The following TRPM3 variants were observed in gnomAD, a reference collection of about 807,000 sequenced individuals.
TRPM3 encodes the protein long transient receptor potential channel 3.
A neutral mutation model predicts 181.2 loss-of-function variants in TRPM3; 77 were observed. The observed-to-expected ratio is 0.42, with a 90% CI of 0.35 to 0.51. The LOEUF is 0.51. Among genes scored for constraint, TRPM3 ranks in the 20% least tolerant of loss-of-function variants. The pLI, the probability that TRPM3 is intolerant of heterozygous loss-of-function variation, is 0.01. For missense variants in TRPM3, 1,759 were observed against 2,196.7 expected (o/e 0.80, Z 3.98); for synonymous variants, 745 against 796.4 (o/e 0.94, Z 1.09).
chr9:70,999,414 C>T (rs779674588), intron 1 of TRPM3, among the ~76,000 whole-genome samples: 15 of 152,044 alleles, frequency 9.9e-5, no homozygotes, highest in African/African-American at 2.4e-4. Context: ...TGGGCCTGAA[C>T]GTGATCTGAA....
intron 1 of TRPM3, among the ~76,000 whole-genome samples, chr9:71,178,224 C>A (rs1168986103): frequency 6.6e-6 from 1 of 152,060 alleles, no homozygotes; most frequent in African/African-American, 2.4e-5. Context: ...ATGTCATAGT[C>A]TTTCACAACT....
At chr9:70,828,222 A>G (rs1466120766) in intron 5 of TRPM3, among the ~76,000 whole-genome samples, 1 of 152,244 alleles carries the variant, frequency 6.6e-6, no homozygotes, top group Non-Finnish European at 1.5e-5. Flanking sequence ...CTGTGCTTAA[A>G]TGAGTATTTA....
At chr9:71,198,004 GGTCTAAC>G (rs1292686315) in intron 1 of TRPM3, among the ~76,000 whole-genome samples, 1 of 151,086 alleles carries the variant, frequency 6.6e-6, no homozygotes, top group Non-Finnish European at 1.5e-5. Context: ...TATGGTTTTA[GGTCTAAC>G]GTCTAAGTCT....
At chr9:70,828,742 C>T (rs202136279) in intron 5 of TRPM3, among the ~76,000 whole-genome samples, 2 of 144,150 alleles carry the variant, frequency 1.4e-5, no homozygotes, top group African/African-American at 2.5e-5. Context: ...ATACCTATTG[C>T]GAGCTAGTTG....
rs2094259171 is a variant in TRPM3, at chr9:70,835,552, C to T, written c.801+7451G>A. 2.0e-5 allele frequency among the ~76,000 whole-genome samples: 3 copies of T among 151,942 alleles called. No homozygotes were observed. In the South Asian group the frequency reaches 6.3e-4, roughly 32 times the overall value. Reference sequence around the variant, plus strand: ...GTTCCATTGGGGTGACTAACATCCTCCACTCACTCTCCTCACACCTTTGAC... The same window carrying T: ...GTTCCATTGGGGTGACTAACATCCTTCACTCACTCTCCTCACACCTTTGAC... On this transcript the variant is annotated intron_variant, in intron 5 of 25. Coordinates refer to ENST00000677713, the MANE Select transcript of TRPM3 (RefSeq NM_001366145.2).
chr9:71,134,276 A>T (rs2074613148), intron 1 of TRPM3, among the ~76,000 whole-genome samples: 1 of 152,048 alleles, frequency 6.6e-6, no homozygotes, highest in African/African-American at 2.4e-5. Context: ...TTCTTAAAAG[A>T]TTTTTCAGCC....
chr9:71,030,092 T>C (rs1374747880), intron 1 of TRPM3, among the ~76,000 whole-genome samples: 1 of 152,232 alleles, frequency 6.6e-6, no homozygotes, highest in Non-Finnish European at 1.5e-5. Context: ...CAAATATTAA[T>C]ATATATTCAT....
At chr9:71,238,626 A>G (rs2131952361) in intron 1 of TRPM3, among the ~76,000 whole-genome samples, 1 of 152,310 alleles carries the variant, frequency 6.6e-6, no homozygotes, top group Non-Finnish European at 1.5e-5. Context: ...ATGCATCTTT[A>G]TCCTTCAAAG....
intron 8 of TRPM3, among the ~76,000 whole-genome samples, chr9:70,688,747 C>A (rs1217595678): frequency 6.6e-6 from 1 of 152,136 alleles, no homozygotes; most frequent in Non-Finnish European, 1.5e-5. Flanking sequence ...GCTTGGTGAA[C>A]AAACTAGAAG....
At chr9:71,323,693 T>C (rs2089440865) in intron 1 of TRPM3, among the ~76,000 whole-genome samples, 1 of 152,012 alleles carries the variant, frequency 6.6e-6, no homozygotes, top group Admixed American at 6.6e-5. Flanking sequence ...GACCAAGAAA[T>C]GACTTTGCAA....
intron 1 of TRPM3, among the ~76,000 whole-genome samples, chr9:71,214,438 T>C (rs1053694236): frequency 6.6e-6 from 1 of 152,174 alleles, no homozygotes; most frequent in Admixed American, 6.6e-5. Context: ...ACACAAAGAC[T>C]TGCATTCAAA....
intron 9 of TRPM3, among the ~76,000 whole-genome samples, chr9:70,644,911 A>T (rs1414439027): frequency 4.6e-5 from 7 of 152,204 alleles, no homozygotes; most frequent in Non-Finnish European, 8.8e-5. Flanking sequence ...CTATACCTCA[A>T]TAATAGACAA....
chr9:70,771,575 G>A (rs530112479), intron 7 of TRPM3, among the ~76,000 whole-genome samples: 1 of 152,288 alleles, frequency 6.6e-6, no homozygotes, highest in South Asian at 2.1e-4. Flanking sequence ...ACTGAAGGTG[G>A]GTGGTGTGGT....
intron 8 of TRPM3, among the ~76,000 whole-genome samples, chr9:70,759,646 T>C (rs539117964): frequency 1.3e-5 from 2 of 152,304 alleles, no homozygotes; most frequent in Admixed American, 1.3e-4. Context: ...TGGAATACTA[T>C]GCAGCCATAA....
intron 3 of TRPM3, among the ~76,000 whole-genome samples, chr9:70,859,840 G>A (rs56230910): frequency 0.2 from 30,165 of 152,058 alleles, 3,061 homozygotes; most frequent in South Asian, 0.27. Context: ...CTGTTTTGCT[G>A]GAGTGAGTGG....
At chr9:70,820,727 G>C (rs1290735084) in intron 6 of TRPM3, among the ~76,000 whole-genome samples, 1 of 151,986 alleles carries the variant, frequency 6.6e-6, no homozygotes, top group Non-Finnish European at 1.5e-5. Flanking sequence ...TAATCACAAC[G>C]ACTCCTTTAA....
intron 1 of TRPM3, among the ~76,000 whole-genome samples, chr9:71,134,855 C>T (rs571731447): frequency 1.4e-4 from 21 of 152,288 alleles, no homozygotes; most frequent in Admixed American, 1.2e-3. Flanking sequence ...GACTTACAGC[C>T]AGAAAATAGG....
At chr9:71,174,946 G>T (rs1272052096) in intron 1 of TRPM3, among the ~76,000 whole-genome samples, 1 of 152,120 alleles carries the variant, frequency 6.6e-6, no homozygotes, top group East Asian at 1.9e-4. Context: ...AAGAGGAGGA[G>T]CTGGAGTTAC....
intron 1 of TRPM3, among the ~76,000 whole-genome samples, chr9:71,222,974 A>C (rs544083039): frequency 6.2e-4 from 95 of 152,306 alleles, no homozygotes; most frequent in African/African-American, 2.2e-3. Flanking sequence ...ACTAGGCCAC[A>C]AAGGCTGCAA....
Sources: gnomAD v4.1 joint callset for allele counts (sites outside exome capture counted in the v4.1 genomes callset) on GRCh38, gnomAD v4.1.1 for gene constraint, MANE v1.5 for transcripts, NCBI Gene and HGNC (gene_info 2026-07-23, HGNC 2026-07-21) for gene names.